Variants in OR56A3 observed in about 807,000 individuals in gnomAD.
OR56A3 encodes the protein olfactory receptor 56A3.
In OR56A3, 23 loss-of-function variants were observed where a neutral mutation model predicts 17.5. The observed-to-expected ratio is 1.32, with a 90% CI of 0.95 to 1.87. The LOEUF (loss-of-function observed/expected upper bound fraction) is 1.87, where lower values mean the gene tolerates loss of function less well. OR56A3 is among the 40% of genes most tolerant of loss of function. The pLI is 0.00. For synonymous variants in OR56A3, 175 were observed against 150.6 expected, an observed-to-expected ratio of 1.16 and a Z score of -1.19; for missense variants, 366 against 380.1, an observed-to-expected ratio of 0.96 and a Z score of 0.31.
intron 1 of OR56A3, among the ~76,000 whole-genome samples, chr11:5,942,750 G>A (rs1043068806): frequency 6.6e-6 from 1 of 152,206 alleles, no homozygotes; most frequent in African/African-American, 2.4e-5. Context: ...AGAAAACTAC[G>A]CCCAGAAGAG....
At chr11:6,002,780 C>T in the OR56A3 span, 82 of 1,613,704 alleles carry the variant, frequency 5.1e-5, no homozygotes, top group East Asian at 1.6e-3. Context: ...CGATGTCCAG[C>T]AGGGAGAGGA....
the OR56A3 span, among the ~76,000 whole-genome samples, chr11:5,974,352 G>A: frequency 2.6e-5 from 4 of 151,986 alleles, no homozygotes; most frequent in Non-Finnish European, 4.4e-5. Flanking sequence ...TGATCCGCCC[G>A]CCTCGGCCTC....
chr11:5,987,218 T>C, the OR56A3 span, among the ~76,000 whole-genome samples: 2 of 152,224 alleles, frequency 1.3e-5, no homozygotes, highest in Admixed American at 6.5e-5. Context: ...CAAAGAGTTA[T>C]TTTTATTAGC....
intron 2 of OR56A3, 42 bp from the exon 3 acceptor site, chr11:5,947,269 G>C (rs1279881991): frequency 7.7e-7 from 1 of 1,302,158 alleles, no homozygotes; most frequent in Admixed American, 2.5e-5. Flanking sequence ...CTATCTTTGT[G>C]TATCAAGAAT....
At chr11:6,011,932 G>A in the OR56A3 span, among the ~76,000 whole-genome samples, 1 of 152,156 alleles carries the variant, frequency 6.6e-6, no homozygotes, top group Non-Finnish European at 1.5e-5. Flanking sequence ...CAGCTTCCCC[G>A]GCTGGCACCA....
At chr11:6,014,254 C>T in the OR56A3 span, among the ~76,000 whole-genome samples, 1 of 152,188 alleles carries the variant, frequency 6.6e-6, no homozygotes, top group Non-Finnish European at 1.5e-5. Context: ...TAGTTTGGAT[C>T]TGTGTCCCCA....
At chr11:5,968,384 G>T in the OR56A3 span, 4 of 1,613,694 alleles carry the variant, frequency 2.5e-6, no homozygotes, top group Admixed American at 3.3e-5. Flanking sequence ...CCAGGAGGAA[G>T]AGGAGGCTGA....
At chr11:5,984,546 C>T in the OR56A3 span, among the ~76,000 whole-genome samples, 1 of 152,166 alleles carries the variant, frequency 6.6e-6, no homozygotes, top group Non-Finnish European at 1.5e-5. Context: ...GAGTTTGTTA[C>T]AATAGATGTA....
At chr11:5,943,776 G>A (rs1448278751) in intron 1 of OR56A3, among the ~76,000 whole-genome samples, 3 of 152,242 alleles carry the variant, frequency 2.0e-5, no homozygotes, top group Non-Finnish European at 1.5e-5. Context: ...CTAACCAAGA[G>A]GCTGTGATTT....
chr11:6,005,171 C>T, the OR56A3 span, among the ~76,000 whole-genome samples: 1 of 152,042 alleles, frequency 6.6e-6, no homozygotes, highest in Non-Finnish European at 1.5e-5. Flanking sequence ...TGATACGTAA[C>T]TTTAGGTGTT....
chr11:5,984,804 C>G, the OR56A3 span, among the ~76,000 whole-genome samples: 1 of 152,144 alleles, frequency 6.6e-6, no homozygotes, highest in Non-Finnish European at 1.5e-5. Flanking sequence ...TAACTCTACC[C>G]CTCCTACCAA....
At chr11:5,966,207 CAAAAAAAAA>C in the OR56A3 span, among the ~76,000 whole-genome samples, 3 of 63,968 alleles carry the variant, frequency 4.7e-5, no homozygotes, top group African/African-American at 1.8e-4. Context: ...CCCGTCTCTA[CAAAAAAAAA>C]AAAAAAAAAA....
chr11:6,018,105 T>C, the OR56A3 span, among the ~76,000 whole-genome samples: 1 of 152,034 alleles, frequency 6.6e-6, no homozygotes, highest in South Asian at 2.1e-4. Flanking sequence ...TAATTATTAT[T>C]AGGTTGAAAG....
chr11:6,006,249 C>T, the OR56A3 span: 1 of 152,112 alleles, frequency 6.6e-6, no homozygotes, highest in African/African-American at 2.4e-5. Context: ...TCATAGTTAC[C>T]TTGTAATTCC....
chr11:5,996,816 A>G, the OR56A3 span, among the ~76,000 whole-genome samples: 1 of 152,202 alleles, frequency 6.6e-6, no homozygotes, highest in Non-Finnish European at 1.5e-5. Context: ...TGCTGGGGCA[A>G]TGAACAAAAG....
In OR56A3 at chr11:5,947,506, T is replaced by C; in HGVS notation, c.160T>C (p.Trp54Arg). ...CAACACCACCCTCCTGATGACCATC[T>C]GGCTGGAGGCCTCTCTGCACCAGCC... The part of the protein sequence containing the change: ...GANTTLLMTI[W>R]LEASLHQPLY... The change falls in exon 3 of 3, where the codon TGG becomes CGG. Residue 54 changes from tryptophan (W) to arginine (R), a missense_variant. Physicochemically the swap from Trp to Arg is moderately radical, Grantham distance 101. Coordinates refer to ENST00000641160, the MANE Select transcript of OR56A3 (RefSeq NM_001003443.3). 6.2e-7 allele frequency: 1 copy of C among 1,614,022 alleles called. No homozygotes were observed. The highest frequency in any genetic ancestry group is 2.2e-5 in the East Asian group (1 of 44,852).
the OR56A3 span, among the ~76,000 whole-genome samples, chr11:6,017,507 T>A: frequency 6.6e-6 from 1 of 152,140 alleles, no homozygotes; most frequent in Non-Finnish European, 1.5e-5. Context: ...GAGAATAGAA[T>A]GCTATGTTCA....
chr11:5,986,396 T>C, the OR56A3 span: 5 of 1,613,928 alleles, frequency 3.1e-6, no homozygotes, highest in Non-Finnish European at 3.4e-6. Flanking sequence ...CCCAACAAAA[T>C]GGGGAAGGGG....
the OR56A3 span, among the ~76,000 whole-genome samples, chr11:5,960,540 C>T: frequency 3.0e-4 from 46 of 152,332 alleles, 1 homozygote; most frequent in South Asian, 7.7e-3. Flanking sequence ...GGATTGCAGA[C>T]GGAGTCTCGC....
Sources: allele counts gnomAD v4.1 joint callset (sites outside exome capture counted in the v4.1 genomes callset), GRCh38; gene constraint gnomAD v4.1.1; transcripts MANE v1.5; gene names NCBI Gene and HGNC (gene_info 2026-07-23, HGNC 2026-07-21).